SEC14L3: variants seen among roughly 807,000 people sequenced by gnomAD.
SEC14L3 encodes the protein SEC14-like protein 3.
SEC14L3 carries 56 observed loss-of-function variants against 57.4 expected under a neutral mutation model. The observed-to-expected ratio is 0.97, with a 90% CI of 0.79 to 1.22. The LOEUF (loss-of-function observed/expected upper bound fraction) is 1.22. Among genes scored for constraint, SEC14L3 ranks in the 50% most tolerant of loss-of-function variants. SEC14L3 has a pLI of 0.00. For synonymous variants in SEC14L3, 173 were observed against 194.4 expected, an observed-to-expected ratio of 0.89 and a Z score of 0.92; for missense variants, 485 against 511.7, an observed-to-expected ratio of 0.95 and a Z score of 0.50.
chr22:30,466,230 A>G, intron 7 of SEC14L3, 104 bp downstream of exon 7: 1 of 1,110,460 alleles, frequency 9.0e-7, no homozygotes, highest in Non-Finnish European at 1.3e-6. Context: ...CAGCCAAGAA[A>G]CCAACCTGCC....
chr22:30,449,053 T>G, exon 13 of SEC14L3: 1 of 1,547,590 alleles, frequency 6.5e-7, no homozygotes, highest in South Asian at 1.2e-5. Context: ...GTGAGTCCTC[T>G]TACACACAGG....
intron 1 of SEC14L3, 109 bp downstream of exon 1, chr22:30,471,796 G>A (rs905839981): frequency 6.7e-7 from 1 of 1,488,844 alleles, no homozygotes; most frequent in African/African-American, 1.4e-5. Flanking sequence ...AAGAGACAAT[G>A]TCAAGGACAT....
chr22:30,468,848 G>T, intron 4 of SEC14L3, 152 bp from the exon 5 acceptor site: 5 of 1,558,030 alleles, frequency 3.2e-6, no homozygotes, highest in Non-Finnish European at 4.3e-6. Flanking sequence ...AGGTGAGAAA[G>T]CTGAGGTCCT....
intron 4 of SEC14L3, among the ~76,000 whole-genome samples, chr22:30,469,389 ATT>A (rs1401462948): frequency 6.6e-6 from 1 of 152,082 alleles, no homozygotes; most frequent in Non-Finnish European, 1.5e-5. Context: ...TCTGAGCTCC[ATT>A]CTACCTACTT....
At chr22:30,470,366 C>T (rs542603964) in intron 2 of SEC14L3, 111 bp from the exon 3 acceptor site, 293 of 1,590,230 alleles carry the variant, frequency 1.8e-4, no homozygotes, top group Non-Finnish European at 2.1e-4. Flanking sequence ...TGCTCCCCTA[C>T]CCCCTTCCCT....
At chr22:30,469,742 T>C (rs867341203) in intron 4 of SEC14L3, among the ~76,000 whole-genome samples, 15 of 152,132 alleles carry the variant, frequency 9.9e-5, no homozygotes, top group African/African-American at 3.4e-4. Flanking sequence ...TGTGGGCAAG[T>C]TACCTAATTT....
intron 5 of SEC14L3, among the ~76,000 whole-genome samples, chr22:30,468,293 A>AAAAG (rs544745401): frequency 6.7e-6 from 1 of 149,486 alleles, no homozygotes. Flanking sequence ...AAAAAAAAAA[A>AAAAG]GAGGGTTCTA....
At chr22:30,453,086 C>G (rs528275906) in intron 12 of SEC14L3, among the ~76,000 whole-genome samples, 15 of 152,058 alleles carry the variant, frequency 9.9e-5, no homozygotes, top group South Asian at 4.1e-4. Context: ...GCAGTGAGCC[C>G]GTTTTGCTTG....
chr22:30,464,797 GA>G lies in SEC14L3; in HGVS notation c.664+22del. ...TCCAAAGGTCATGTATAGAGGTCAG[GA>G]AATTGAGCTGGCACTACTTACTTCC... is the stretch of plus-strand genomic sequence containing the variant. On this transcript the variant is annotated intron_variant, in intron 8 of 11. Transcript: ENST00000215812. 3 of 1,612,400 alleles carry G rather than the reference GA, an allele frequency of 1.9e-6. No homozygotes were observed. The South Asian group carries it at 3.3e-5, about 18-fold the overall frequency.
At chr22:30,456,311 A>C (rs1296714319), downstream of SEC14L3, among the ~76,000 whole-genome samples, 2 of 151,518 alleles carry the variant, frequency 1.3e-5, no homozygotes, top group Non-Finnish European at 1.5e-5. Context: ...AAAAAAAAAA[A>C]AAAAAAACAA....
chr22:30,452,154 A>G (rs922703631), intron 12 of SEC14L3, among the ~76,000 whole-genome samples: 1 of 151,832 alleles, frequency 6.6e-6, no homozygotes, highest in South Asian at 2.1e-4. Flanking sequence ...CGCGTGTTTC[A>G]TACTAATGCC....
chr22:30,455,666 G>T (rs1337110787), downstream of SEC14L3, among the ~76,000 whole-genome samples: 1 of 152,198 alleles, frequency 6.6e-6, no homozygotes, highest in Non-Finnish European at 1.5e-5. Context: ...TCTTGGGGAA[G>T]GAGTAAGAGG....
rs1293684370 is a variant in SEC14L3 at position 30,459,242 on chromosome 22, C to T, written c.*779G>A. 1.0e-6 allele frequency: 1 copy of T among 984,012 alleles called. No individual in the cohort carries two copies. Among genetic ancestry groups the T allele is most frequent in the Non-Finnish European group, 1.2e-6 (1 of 828,690 alleles). The allele number at this position is 984,012 out of a possible 1,614,324, so 61.0% of individuals were successfully genotyped here. A position where few individuals can be genotyped will look rare whatever the true frequency, so the allele number is the denominator to read the frequency against. On this transcript the variant is annotated 3_prime_UTR_variant, in exon 12 of 12. Transcript: ENST00000215812. ...GCACTCGCCAAATGATAGTTGTTTT[C>T]TTTATTATGATTATGCCAGATGTGA...
chr22:30,470,683 A>G, intron 1 of SEC14L3, 101 bp from the exon 2 acceptor site: 1 of 1,565,598 alleles, frequency 6.4e-7, no homozygotes, highest in South Asian at 1.2e-5. Flanking sequence ...CCCACATGCA[A>G]AATGGCCCAC....
rs745959352 is a variant in SEC14L3 at position 30,470,625 on chromosome 22, G to C, written c.55-43C>G. The C allele has an allele frequency of 5.6e-6, 9 of 1,613,566 alleles. No homozygotes were observed. The East Asian group carries it at 1.1e-4, about 20-fold the overall frequency. ...GGTTAAAGTGGCTCTCTCACATTGA[G>C]CCTTGGCCTCCAGACTCAAAGACTG... On this transcript the variant is annotated intron_variant, in intron 1 of 11. Transcript: ENST00000215812.
downstream of SEC14L3, among the ~76,000 whole-genome samples, chr22:30,456,370 A>G (rs776299568): frequency 6.6e-6 from 1 of 151,904 alleles, no homozygotes; most frequent in South Asian, 2.1e-4. Context: ...ATTTACAAAG[A>G]AAAGAGGTTT....
At position 30,468,627 on chromosome 22, in the gene SEC14L3, T is replaced by C. The variant is rs1308409093; in HGVS notation, c.304A>G (p.Ile102Val). Residue 102 changes from isoleucine to valine, a missense_variant, in exon 5 of 12, where the codon ATC becomes GTC. By Grantham distance (29) the Ile-to-Val change is conservative. Coordinates refer to ENST00000215812, the MANE Select transcript of SEC14L3 (RefSeq NM_174975.5). ...CCCTTGGGATCAAGTGGCCCAATGATGTCATACCACACGGGGCAGCCATCA... is the reference window on the plus strand; with the variant it reads ...CCCTTGGGATCAAGTGGCCCAATGACGTCATACCACACGGGGCAGCCATCA... The part of the protein sequence containing the change: ...DRDGCPVWYD[I>V]IGPLDPKGLL... The C allele has an allele frequency of 3.7e-6, 6 of 1,613,902 alleles. No individual in the cohort carries two copies. The highest frequency in any genetic ancestry group is 5.1e-6 in the Non-Finnish European group (6 of 1,179,976).
At chr22:30,464,792 G>A (rs200512875) in intron 8 of SEC14L3, 28 bp downstream of exon 8, 4 of 1,610,238 alleles carry the variant, frequency 2.5e-6, no homozygotes, top group Middle Eastern at 3.3e-4. Context: ...ATGTATAGAG[G>A]TCAGGAAATT....
At position 30,451,712 on chromosome 22, in the gene SEC14L3, G is replaced by A. The variant is rs144820340; in HGVS notation, c.905-2468C>T. On this transcript the variant is annotated intron_variant, in intron 12 of 12. Coordinates refer to the SEC14L3 transcript ENST00000403066. ...TCAAGAAAAAAACTGGCTGATGGCC[G>A]GGCCCGGTGCCTCAAGCCTGTAACC... is the stretch of plus-strand genomic sequence containing the variant. Among the ~76,000 whole-genome samples the A allele has an allele frequency of 9.7e-3, 1,467 of 151,996 alleles. 16 individuals carry two copies. Among genetic ancestry groups the A allele is most frequent in the African/African-American group, 0.028 (1,178 of 41,476 alleles).
Sources: allele counts gnomAD v4.1 joint callset (sites outside exome capture counted in the v4.1 genomes callset), GRCh38; gene constraint gnomAD v4.1.1; transcripts MANE v1.5; gene names NCBI Gene and HGNC (gene_info 2026-07-23, HGNC 2026-07-21).